Variants in BLTP3B observed in about 807,000 individuals in gnomAD.
The protein encoded by BLTP3B is UHRF1 (ICBP90) binding protein 1-like.
chr12:100,047,980 A>C, the BLTP3B span: 1 of 1,566,506 alleles, frequency 6.4e-7, no homozygotes, highest in Non-Finnish European at 8.6e-7. Flanking sequence ...TTGTATCTTC[A>C]TTGGCATTAC....
At chr12:100,090,073 G>GT in the BLTP3B span, among the ~76,000 whole-genome samples, 21 of 152,202 alleles carry the variant, frequency 1.4e-4, no homozygotes, top group East Asian at 4.0e-3. Context: ...ACATGGAACT[G>GT]TAAGTAGATT....
chr12:100,068,963 C>T, the BLTP3B span, among the ~76,000 whole-genome samples: 1 of 152,158 alleles, frequency 6.6e-6, no homozygotes, highest in African/African-American at 2.4e-5. Flanking sequence ...GTAGGCAGAG[C>T]ATGGTGGCTC....
the BLTP3B span, among the ~76,000 whole-genome samples, chr12:100,135,008 A>G: frequency 6.6e-6 from 1 of 152,164 alleles, no homozygotes; most frequent in Non-Finnish European, 1.5e-5. Flanking sequence ...TAATTCCCAC[A>G]TGGCTGCCAG....
At chr12:100,111,238 A>G in the BLTP3B span, among the ~76,000 whole-genome samples, 2 of 150,876 alleles carry the variant, frequency 1.3e-5, no homozygotes, top group South Asian at 2.1e-4. Context: ...AAAATGCATC[A>G]TAAAATCCCA....
the BLTP3B span, among the ~76,000 whole-genome samples, chr12:100,108,156 A>G: frequency 1.5e-4 from 23 of 152,368 alleles, no homozygotes; most frequent in South Asian, 4.1e-4. Context: ...ATTTTGAAAT[A>G]TTAATGGAAT....
chr12:100,098,961 C>T, the BLTP3B span, among the ~76,000 whole-genome samples: 14 of 145,296 alleles, frequency 9.6e-5, 1 homozygote, highest in South Asian at 2.4e-3. Flanking sequence ...TACATAGATA[C>T]ATAGATACAT....
At chr12:100,136,357 T>C in the BLTP3B span, among the ~76,000 whole-genome samples, 1 of 152,132 alleles carries the variant, frequency 6.6e-6, no homozygotes, top group Non-Finnish European at 1.5e-5. Context: ...CTTTTTCACA[T>C]CACCCGCAAT....
the BLTP3B span, among the ~76,000 whole-genome samples, chr12:100,083,306 G>C: frequency 1.4e-4 from 22 of 152,222 alleles, no homozygotes; most frequent in African/African-American, 5.3e-4. Flanking sequence ...AAGTTATTGT[G>C]ATGATTATTC....
At chr12:100,057,315 A>T in the BLTP3B span, among the ~76,000 whole-genome samples, 560 of 152,320 alleles carry the variant, frequency 3.7e-3, 6 homozygotes, top group Non-Finnish European at 3.3e-3. Context: ...GTACTCTTGC[A>T]TAGTCCCTGT....
the BLTP3B span, among the ~76,000 whole-genome samples, chr12:100,098,999 A>ATTATTATT: frequency 1.9e-3 from 281 of 148,324 alleles, 2 homozygotes; most frequent in African/African-American, 6.6e-3. Flanking sequence ...CCATTTTATT[A>ATTATTATT]TTTTTTTTTT....
the BLTP3B span, among the ~76,000 whole-genome samples, chr12:100,089,947 T>G: frequency 6.6e-6 from 1 of 152,148 alleles, no homozygotes; most frequent in Admixed American, 6.5e-5. Flanking sequence ...ATCTGATGGT[T>G]TATCAGGGGT....
At chr12:100,108,602 A>T in the BLTP3B span, 4 of 1,464,542 alleles carry the variant, frequency 2.7e-6, no homozygotes, top group South Asian at 5.3e-5. Flanking sequence ...TATACTCCAG[A>T]GTCATTTTTT....
chr12:100,070,974 C>G, the BLTP3B span, among the ~76,000 whole-genome samples: 1 of 151,694 alleles, frequency 6.6e-6, no homozygotes, highest in African/African-American at 2.4e-5. Flanking sequence ...GTCTGGGCAA[C>G]AGAGCAAGAA....
chr12:100,076,759 TC>T, the BLTP3B span, among the ~76,000 whole-genome samples: 2 of 152,250 alleles, frequency 1.3e-5, no homozygotes, highest in Non-Finnish European at 2.9e-5. Context: ...CCTTACAGTA[TC>T]TAATTAAAAA....
chr12:100,131,456 T>C, the BLTP3B span, among the ~76,000 whole-genome samples: 5 of 151,964 alleles, frequency 3.3e-5, no homozygotes, highest in African/African-American at 1.2e-4. Flanking sequence ...AAGCCAGATC[T>C]CTTTCTTAGT....
At chr12:100,051,321 T>C in the BLTP3B span, 4 of 1,062,186 alleles carry the variant, frequency 3.8e-6, no homozygotes, top group South Asian at 2.2e-5. Context: ...CCTTCAACTC[T>C]TTCTCAAGCA....
the BLTP3B span, among the ~76,000 whole-genome samples, chr12:100,057,358 T>A: frequency 3.0e-4 from 45 of 152,210 alleles, no homozygotes; most frequent in East Asian, 7.3e-3. Context: ...GGGGCTATAA[T>A]GAACAATTAG....
At chr12:100,117,168 A>G in the BLTP3B span, among the ~76,000 whole-genome samples, 32 of 152,366 alleles carry the variant, frequency 2.1e-4, no homozygotes, top group African/African-American at 6.3e-4. Context: ...GAGGTGGAGC[A>G]TAACTCCTCA....
chr12:100,134,856 C>T, the BLTP3B span, among the ~76,000 whole-genome samples: 1 of 152,284 alleles, frequency 6.6e-6, no homozygotes, highest in South Asian at 2.1e-4. Flanking sequence ...CTGCCTTTAC[C>T]TTCAAAATAC....
Sources: gnomAD v4.1 joint callset for allele counts (sites outside exome capture counted in the v4.1 genomes callset) on GRCh38, gnomAD v4.1.1 for gene constraint, MANE v1.5 for transcripts, NCBI Gene and HGNC (gene_info 2026-07-23, HGNC 2026-07-21) for gene names.